The following WARS1 variants were observed in gnomAD, a reference collection of about 807,000 sequenced individuals.
WARS1 encodes tryptophan--tRNA ligase, cytoplasmic.
In WARS1, 17 loss-of-function variants were observed where a neutral mutation model predicts 47.8. The ratio of observed to expected loss-of-function variants is 0.36; its 90% CI spans 0.24 to 0.53. The LOEUF is 0.53. WARS1 is among the 20% of genes least tolerant of loss of function. The pLI is 0.91. For synonymous variants in WARS1, 208 were observed against 228.1 expected, an observed-to-expected ratio of 0.91 and a Z score of 0.79; for missense variants, 434 against 608.0, an observed-to-expected ratio of 0.71 and a Z score of 3.01.
chr14:100,341,334 G>C (rs1217233926), intron 9 of WARS1, among the ~76,000 whole-genome samples: 1 of 152,202 alleles, frequency 6.6e-6, no homozygotes, highest in African/African-American at 2.4e-5. Flanking sequence ...GAAGTGAAAG[G>C]GAAAGAAAAG....
intron 4 of WARS1, among the ~76,000 whole-genome samples, chr14:100,357,671 GGCTGGTC>G (rs778536741): frequency 3.9e-4 from 60 of 152,198 alleles, no homozygotes; most frequent in Non-Finnish European, 6.3e-4. Flanking sequence ...ATGTTGGTCA[GGCTGGTC>G]TCGAACTCCT....
chr14:100,356,405 G>T (rs918591942), intron 4 of WARS1, among the ~76,000 whole-genome samples: 2 of 149,246 alleles, frequency 1.3e-5, no homozygotes, highest in African/African-American at 4.9e-5. Flanking sequence ...GTGTGGGGGG[G>T]GGTGTGGAAT....
chr14:100,360,487 G>A, intron 4 of WARS1, 67 bp downstream of exon 4: 2 of 1,302,706 alleles, frequency 1.5e-6, no homozygotes, highest in Non-Finnish European at 2.2e-6. Flanking sequence ...TGAAGAGAGT[G>A]TCTTACGATT....
intron 4 of WARS1, among the ~76,000 whole-genome samples, chr14:100,359,163 G>A (rs905918755): frequency 2.0e-5 from 3 of 152,160 alleles, no homozygotes; most frequent in African/African-American, 4.8e-5. Context: ...ATTCTATTTC[G>A]AGGTATATGC....
chr14:100,347,869 G>A (rs190558977), intron 6 of WARS1, among the ~76,000 whole-genome samples: 72 of 152,250 alleles, frequency 4.7e-4, no homozygotes, highest in Middle Eastern at 3.4e-3. Flanking sequence ...GAGCCACCGC[G>A]CCCAGCCAAG....
At chr14:100,364,371 C>T (rs1895831179) in intron 2 of WARS1, among the ~76,000 whole-genome samples, 1 of 152,124 alleles carries the variant, frequency 6.6e-6, no homozygotes, top group South Asian at 2.1e-4. Context: ...GGATCTTATT[C>T]TTTAGATACA....
At chr14:100,347,800 C>T (rs1197061632) in intron 6 of WARS1, among the ~76,000 whole-genome samples, 1 of 152,200 alleles carries the variant, frequency 6.6e-6, no homozygotes, top group African/African-American at 2.4e-5. Context: ...TGGTCTCAAA[C>T]TCCTGACCTC....
chr14:100,361,838 G>A lies in WARS1; in HGVS notation c.183C>T (p.Asp61=). The A allele has an allele frequency of 6.2e-7, 1 of 1,614,218 alleles. No individual in the cohort carries two copies. The highest frequency in any genetic ancestry group is 8.5e-7 in the Non-Finnish European group (1 of 1,180,038). ...TAGGTGCTGGGTTCCCTGGAGGACA[G>A]TCAGCCTTGTAATCCTCCCCCGCGG... The part of the protein sequence containing the change: ...KAAAGEDYKA[D]CPPGNPAPTS... Residue 61 remains aspartate, a synonymous_variant, in exon 3 of 11, where the codon GAC becomes GAT. Coordinates refer to ENST00000392882, the MANE Select transcript of WARS1 (RefSeq NM_004184.4).
chr14:100,337,307 G>A, intron 9 of WARS1, 105 bp from the exon 10 acceptor site: 1 of 1,531,878 alleles, frequency 6.5e-7, no homozygotes, highest in South Asian at 1.2e-5. Flanking sequence ...AGTGCTGTCA[G>A]ATTCTGGACC....
chr14:100,366,742 A>G, intron 2 of WARS1: 14 of 859,506 alleles, frequency 1.6e-5, no homozygotes, highest in Non-Finnish European at 2.6e-5. Context: ...TGGCTGAAAA[A>G]GGGCTAAGGG....
In WARS1 at chr14:100,366,474, G is replaced by A. The variant is rs191354825; in HGVS notation, c.99+2613C>T. 4.8e-3 allele frequency among the ~76,000 whole-genome samples: 732 copies of A among 152,268 alleles called. 3 individuals carry two copies. The highest frequency in any genetic ancestry group is 6.7e-3 in the Non-Finnish European group (455 of 68,020). On this transcript the variant is annotated intron_variant, in intron 2 of 10. Transcript: ENST00000392882. ...AATAGCCAAGAAACACCAAACAGTT[G>A]AGAATTGCCTCTAATATGAAAGGCA...
At chr14:100,343,466 G>T in intron 7 of WARS1, 79 bp from the exon 8 acceptor site, 1 of 1,010,612 alleles carries the variant, frequency 9.9e-7, no homozygotes, top group Non-Finnish European at 1.4e-6. Context: ...AACAAAAACA[G>T]GTTTTCTCCC....
intron 1 of WARS1, among the ~76,000 whole-genome samples, chr14:100,371,093 T>C (rs529110810): frequency 1.3e-5 from 2 of 152,334 alleles, no homozygotes; most frequent in East Asian, 3.9e-4. Flanking sequence ...ACCAAACATA[T>C]ACATTTGTGG....
chr14:100,342,253 A>G, intron 9 of WARS1, 145 bp downstream of exon 9: 1 of 1,145,180 alleles, frequency 8.7e-7, no homozygotes, highest in South Asian at 1.3e-5. Context: ...TGCAGGGAGC[A>G]AAGTTGGCAA....
At chr14:100,364,743 A>G (rs1352936276) in intron 2 of WARS1, among the ~76,000 whole-genome samples, 1 of 152,236 alleles carries the variant, frequency 6.6e-6, no homozygotes, top group East Asian at 1.9e-4. Context: ...ATTACTAACT[A>G]AAAACATTTA....
intron 10 of WARS1, among the ~76,000 whole-genome samples, chr14:100,335,463 C>T (rs979569289): frequency 5.3e-5 from 8 of 151,972 alleles, no homozygotes; most frequent in Non-Finnish European, 7.4e-5. Context: ...CTGCAACCTC[C>T]GCCTCCCAGG....
At chr14:100,362,289 G>C (rs906572004) in intron 2 of WARS1, among the ~76,000 whole-genome samples, 1 of 152,166 alleles carries the variant, frequency 6.6e-6, no homozygotes, top group Non-Finnish European at 1.5e-5. Context: ...GCCAGAGAAC[G>C]TGTGTGACAA....
At chr14:100,367,657 A>G (rs1163972832) in intron 2 of WARS1, among the ~76,000 whole-genome samples, 1 of 150,298 alleles carries the variant, frequency 6.7e-6, no homozygotes, top group East Asian at 2.0e-4. Context: ...CCTGCATCCC[A>G]TGAAATTTCA....
chr14:100,375,008 T>A (rs1896568580), intron 1 of WARS1: 1 of 152,190 alleles, frequency 6.6e-6, no homozygotes, highest in Non-Finnish European at 1.5e-5. Context: ...TACGTTCTGA[T>A]GTTGAGCACA....
Sources: gnomAD v4.1 joint callset for allele counts (sites outside exome capture counted in the v4.1 genomes callset) on GRCh38, gnomAD v4.1.1 for gene constraint, MANE v1.5 for transcripts, NCBI Gene and HGNC (gene_info 2026-07-23, HGNC 2026-07-21) for gene names.